SPMAP2L: variants seen among roughly 807,000 people sequenced by gnomAD.
The protein encoded by SPMAP2L is sperm microtubule associated protein 2-like.
the SPMAP2L span, chr4:56,530,826 G>C: frequency 9.8e-6 from 15 of 1,535,324 alleles, 1 homozygote; most frequent in South Asian, 1.7e-4. Flanking sequence ...AGGAGTCCGA[G>C]GATCCCGAGA....
At chr4:56,586,116 G>A in the SPMAP2L span, among the ~76,000 whole-genome samples, 1 of 152,202 alleles carries the variant, frequency 6.6e-6, no homozygotes, top group South Asian at 2.1e-4. Context: ...TAATGCCTTG[G>A]GTGTCTGAAA....
the SPMAP2L span, among the ~76,000 whole-genome samples, chr4:56,551,524 A>C: frequency 6.6e-6 from 1 of 151,908 alleles, no homozygotes; most frequent in Non-Finnish European, 1.5e-5. Context: ...AGGGATTCAA[A>C]CTACTCATTT....
At chr4:56,619,930 G>A in the SPMAP2L span, among the ~76,000 whole-genome samples, 7 of 152,208 alleles carry the variant, frequency 4.6e-5, no homozygotes, top group Non-Finnish European at 8.8e-5. Context: ...TGATCTCCAT[G>A]GAGTGGCTGT....
the SPMAP2L span, among the ~76,000 whole-genome samples, chr4:56,538,273 G>T: frequency 2.3e-4 from 34 of 147,226 alleles, no homozygotes; most frequent in African/African-American, 7.6e-4. Flanking sequence ...CCTCCAAAAG[G>T]TGAACCCCTA....
At chr4:56,606,362 T>C in the SPMAP2L span, among the ~76,000 whole-genome samples, 52 of 152,210 alleles carry the variant, frequency 3.4e-4, no homozygotes, top group Non-Finnish European at 7.2e-4. Flanking sequence ...GGGATTTTTA[T>C]TCAAGGTTTC....
chr4:56,615,884 A>C, the SPMAP2L span, among the ~76,000 whole-genome samples: 2 of 152,214 alleles, frequency 1.3e-5, no homozygotes, highest in Non-Finnish European at 2.9e-5. Context: ...AAAGTTGCCC[A>C]GGTGACCCTA....
the SPMAP2L span, among the ~76,000 whole-genome samples, chr4:56,618,293 A>G: frequency 5.9e-5 from 9 of 152,362 alleles, no homozygotes; most frequent in African/African-American, 1.4e-4. Context: ...AGGCAGGTTT[A>G]TTAGAGAAAG....
At chr4:56,568,371 CCT>C in the SPMAP2L span, among the ~76,000 whole-genome samples, 1 of 152,028 alleles carries the variant, frequency 6.6e-6, no homozygotes, top group Non-Finnish European at 1.5e-5. Context: ...GTGAATTTTA[CCT>C]TACTGGCTCC....
At chr4:56,531,676 C>T in the SPMAP2L span, among the ~76,000 whole-genome samples, 1 of 152,202 alleles carries the variant, frequency 6.6e-6, no homozygotes, top group Non-Finnish European at 1.5e-5. Context: ...GAGTATGCAT[C>T]TACAAAGTGC....
At chr4:56,612,783 T>C in the SPMAP2L span, among the ~76,000 whole-genome samples, 58 of 152,010 alleles carry the variant, frequency 3.8e-4, no homozygotes, top group Non-Finnish European at 7.6e-4. Flanking sequence ...GCCAGGCTGG[T>C]CTCGAACTCC....
At chr4:56,585,306 T>C in the SPMAP2L span, among the ~76,000 whole-genome samples, 1 of 152,232 alleles carries the variant, frequency 6.6e-6, no homozygotes, top group African/African-American at 2.4e-5. Context: ...AGAGAAGTCA[T>C]AGAAGCTTTT....
the SPMAP2L span, among the ~76,000 whole-genome samples, chr4:56,590,908 A>T: frequency 6.6e-6 from 1 of 152,068 alleles, no homozygotes; most frequent in African/African-American, 2.4e-5. Flanking sequence ...TCGTACAAAG[A>T]GGTAGGATCT....
At chr4:56,562,404 G>T in the SPMAP2L span, among the ~76,000 whole-genome samples, 2 of 149,164 alleles carry the variant, frequency 1.3e-5, no homozygotes, top group African/African-American at 2.5e-5. Context: ...TTTATATGTG[G>T]TTTCTTTCTG....
the SPMAP2L span, among the ~76,000 whole-genome samples, chr4:56,617,668 G>A: frequency 6.6e-6 from 1 of 152,052 alleles, no homozygotes; most frequent in African/African-American, 2.4e-5. Context: ...GACAACATAG[G>A]CGGCTTGTGT....
At chr4:56,579,576 C>A in the SPMAP2L span, among the ~76,000 whole-genome samples, 4 of 151,970 alleles carry the variant, frequency 2.6e-5, no homozygotes, top group Non-Finnish European at 2.9e-5. Flanking sequence ...TTGAGACCAG[C>A]CTGGGCAACA....
At chr4:56,622,800 A>C in the SPMAP2L span, among the ~76,000 whole-genome samples, 1 of 152,170 alleles carries the variant, frequency 6.6e-6, no homozygotes, top group East Asian at 1.9e-4. Context: ...AATCATGGCC[A>C]TAAACTCAGG....
chr4:56,535,440 C>CCTGTT, the SPMAP2L span, among the ~76,000 whole-genome samples: 12,778 of 152,010 alleles, frequency 0.084, 860 homozygotes, highest in East Asian at 0.24. Flanking sequence ...AAATCCCTGT[C>CCTGTT]CTGTTCTGTT....
chr4:56,594,926 T>C, the SPMAP2L span: 876 of 1,612,030 alleles, frequency 5.4e-4, 2 homozygotes, highest in African/African-American at 0.01. Flanking sequence ...CAAGACCTTC[T>C]GCATTCCCCA....
At chr4:56,593,223 T>C in the SPMAP2L span, 1 of 1,326,458 alleles carries the variant, frequency 7.5e-7, no homozygotes, top group Non-Finnish European at 1.1e-6. Flanking sequence ...ATCACAGGCC[T>C]GGACATGGCC....
Sources: gnomAD v4.1 joint callset for allele counts (sites outside exome capture counted in the v4.1 genomes callset) on GRCh38, gnomAD v4.1.1 for gene constraint, MANE v1.5 for transcripts, NCBI Gene and HGNC (gene_info 2026-07-23, HGNC 2026-07-21) for gene names.